The following LYPD5 variants were observed in gnomAD, a reference collection of about 807,000 sequenced individuals.
LYPD5 encodes the protein LY6/PLAUR domain containing 5, also known as ly6/PLAUR domain-containing protein 5.
Under a neutral mutation model 19.1 loss-of-function variants are expected in LYPD5, and 21 were observed. The observed-to-expected ratio is 1.10, with a 90% confidence interval of 0.78 to 1.58. LYPD5 has a LOEUF of 1.58. Among genes scored for constraint, LYPD5 ranks in the 40% most tolerant of loss-of-function variants. The pLI is 0.00. For missense variants in LYPD5, 287 were observed against 329.8 expected (o/e 0.87, Z 1.00); for synonymous variants, 128 against 142.7 (o/e 0.90, Z 0.74).
In LYPD5 at chr19:43,798,591, C is replaced by A. The variant is rs142112091; in HGVS notation, c.381G>T (p.Pro127=). 1.9e-6 allele frequency: 3 copies of A among 1,610,330 alleles called. No homozygotes were observed. The highest frequency in any genetic ancestry group is 2.5e-6 in the Non-Finnish European group (3 of 1,180,032). The change falls in exon 4 of 5, where the codon CCG becomes CCT. Residue 127 remains proline (P), a synonymous_variant. Transcript: ENST00000377950. The stretch of plus-strand genomic sequence containing the variant: ...AGCACTCGGCGCCGCTGAGCGTCGG[C>A]GGGTCGGGTGCTGGCAAGAGAGCGT... ...ALPNLSQAPD[P]PTLSGAECYA...
chr19:43,808,292 G>A (rs1568405699), intron 1 of LYPD5, among the ~76,000 whole-genome samples: 1 of 152,130 alleles, frequency 6.6e-6, no homozygotes, highest in African/African-American at 2.4e-5. Flanking sequence ...ATTTAGTAGA[G>A]ACGGGGTTTC....
At chr19:43,803,916 C>A (rs1194496099), upstream of LYPD5, among the ~76,000 whole-genome samples, 1 of 152,140 alleles carries the variant, frequency 6.6e-6, no homozygotes, top group Non-Finnish European at 1.5e-5. Context: ...CGGCTCACTG[C>A]AAGCTCCGCC....
At chr19:43,798,768 C>T in intron 3 of LYPD5, 44 bp downstream of exon 3, 2 of 1,578,780 alleles carry the variant, frequency 1.3e-6, no homozygotes, top group East Asian at 2.3e-5. Context: ...GCTGCCAGGC[C>T]TCTCATCGTC....
In LYPD5 at chr19:43,797,513, C is replaced by T; in HGVS notation, c.*78G>A. The stretch of plus-strand genomic sequence containing the variant: ...CAATTCTTACTTTAACATCATTTTC[C>T]AGTGAGCTATGTGATAGGGGCTGAA... On this transcript the variant is annotated 3_prime_UTR_variant, in exon 5 of 5. Coordinates refer to ENST00000377950, the MANE Select transcript of LYPD5 (RefSeq NM_001031749.3). 1 of 1,143,866 alleles carries T rather than the reference C, an allele frequency of 8.7e-7. No homozygotes were observed. Among genetic ancestry groups the T allele is most frequent in the Non-Finnish European group, 1.3e-6 (1 of 794,602 alleles). The allele number at this position is 1,143,866 out of a possible 1,614,324, so 70.9% of individuals were successfully genotyped here.
chr19:43,797,594 T>C lies in LYPD5; in HGVS notation c.753A>G (p.Ala251=), dbSNP rs371736272. ...LPVLLLVGLS[A] is the part of the protein sequence containing the mutation. The stretch of plus-strand genomic sequence containing the variant: ...CCCAGCATCCTGGAGGGGCGGTCTA[T>C]GCTGAGAGCCCCACCAGCAGGAGGA... The change falls in exon 5 of 5, where the codon GCA becomes GCG. Residue 251 remains alanine, a synonymous_variant. Transcript: ENST00000377950. 31 of 1,600,086 alleles carry C rather than the reference T, an allele frequency of 1.9e-5. No homozygotes were observed. Among genetic ancestry groups the C allele is most frequent in the Admixed American group, 5.1e-5 (3 of 59,326 alleles).
At chr19:43,804,118 G>A (rs961485108), upstream of LYPD5, among the ~76,000 whole-genome samples, 9 of 152,190 alleles carry the variant, frequency 5.9e-5, no homozygotes, top group Non-Finnish European at 2.9e-5. Flanking sequence ...GATTACAGAC[G>A]TGAGCCACTG....
In LYPD5 at chr19:43,797,446, G is replaced by A. The variant is rs570125960; in HGVS notation, c.*145C>T. ...CCAGTACTGTTGGCCAGGTTGTGGG[G>A]CACAAGGGCGGGAGAGATGGAAGGC... On this transcript the variant is annotated 3_prime_UTR_variant, in exon 5 of 5. Coordinates refer to ENST00000377950, the MANE Select transcript of LYPD5 (RefSeq NM_001031749.3). The A allele has an allele frequency of 4.0e-4, 288 of 715,596 alleles. 1 individual carries two copies. The East Asian group carries it at 6.8e-3, about 17-fold the overall frequency. The allele number at this position is 715,596 out of a possible 1,614,324, so 44.3% of individuals were successfully genotyped here.
intron 1 of LYPD5, among the ~76,000 whole-genome samples, chr19:43,816,028 C>T (rs1378611751): frequency 6.8e-6 from 1 of 146,698 alleles, no homozygotes; most frequent in Admixed American, 6.8e-5. Flanking sequence ...GCCACCACGC[C>T]CCACTCTATC....
At chr19:43,802,845 C>A (rs1314929785), upstream of LYPD5, among the ~76,000 whole-genome samples, 1 of 152,180 alleles carries the variant, frequency 6.6e-6, no homozygotes, top group Admixed American at 6.5e-5. Context: ...CTCATCCACA[C>A]ACCCTCAGCC....
chr19:43,810,582 T>C (rs939028325), intron 1 of LYPD5, among the ~76,000 whole-genome samples: 4 of 99,962 alleles, frequency 4.0e-5, no homozygotes, highest in Non-Finnish European at 7.7e-5. Flanking sequence ...TCCCCTCCCT[T>C]CCCCTCCTCT....
At chr19:43,816,924 T>C (rs1377320407) in intron 1 of LYPD5, among the ~76,000 whole-genome samples, 1 of 152,226 alleles carries the variant, frequency 6.6e-6, no homozygotes. Context: ...GTAAGATGTC[T>C]CTTTGTTCTC....
intron 1 of LYPD5, 90 bp downstream of exon 1, chr19:43,802,227 A>C: frequency 1.8e-6 from 2 of 1,141,328 alleles, no homozygotes; most frequent in Non-Finnish European, 1.2e-6. Context: ...CCTCAGACCC[A>C]GGAGTCCAGG....
In LYPD5 at chr19:43,798,864, G is replaced by A. The variant is rs767738867; in HGVS notation, c.318C>T (p.Asp106=). Residue 106 remains aspartate (D), a synonymous_variant, in exon 3 of 5, where the codon GAC becomes GAT. Coordinates refer to ENST00000377950, the MANE Select transcript of LYPD5 (RefSeq NM_001031749.3). ...GAGTCATGAGGTGGGCGTTGCATTT[G>A]TCAGTTGTGCAGCCGCGCACCACCG... is the stretch of plus-strand genomic sequence containing the variant. ...DYSVVRGCTT[D]KCNAHLMTHD... is the part of the protein sequence containing the mutation. 1.7e-5 allele frequency: 27 copies of A among 1,610,356 alleles called. No homozygotes were observed. Among genetic ancestry groups the A allele is most frequent in the Non-Finnish European group, 2.3e-5 (27 of 1,178,500 alleles).
intron 1 of LYPD5, among the ~76,000 whole-genome samples, chr19:43,808,551 G>C (rs375225956): frequency 1.3e-5 from 2 of 152,152 alleles, no homozygotes; most frequent in East Asian, 1.9e-4. Flanking sequence ...TAAAGGGTTC[G>C]TTTATTCTCC....
intron 3 of LYPD5, 87 bp downstream of exon 3, chr19:43,798,725 C>T: frequency 1.3e-6 from 2 of 1,567,424 alleles, no homozygotes; most frequent in Non-Finnish European, 1.7e-6. Context: ...GCGCCAAGAG[C>T]AGGCGCCCAG....
At chr19:43,814,400 G>GA (rs1357933401) in intron 1 of LYPD5, among the ~76,000 whole-genome samples, 3 of 152,140 alleles carry the variant, frequency 2.0e-5, no homozygotes, top group African/African-American at 7.2e-5. Context: ...AGGCTGAAAT[G>GA]AAAAAATCAC....
At chr19:43,798,736 C>A (rs1056653024) in intron 3 of LYPD5, 76 bp downstream of exon 3, 3 of 1,566,072 alleles carry the variant, frequency 1.9e-6, no homozygotes, top group East Asian at 2.3e-5. Flanking sequence ...AGGCGCCCAG[C>A]GGAGGCCACG....
chr19:43,797,438 G>A lies in LYPD5; in HGVS notation c.*153C>T, dbSNP rs1375261147. The A allele has an allele frequency of 1.5e-6, 1 of 688,900 alleles. No individual in the cohort carries two copies. The highest frequency in any genetic ancestry group is 1.8e-5 in the African/African-American group (1 of 56,140). The allele number at this position is 688,900 out of a possible 1,614,324, so 42.7% of individuals were successfully genotyped here. On this transcript the variant is annotated 3_prime_UTR_variant, in exon 5 of 5. Coordinates refer to ENST00000377950, the MANE Select transcript of LYPD5 (RefSeq NM_001031749.3). ...AGTTTCTTCCAGTACTGTTGGCCAG[G>A]TTGTGGGGCACAAGGGCGGGAGAGA...
At chr19:43,799,901 A>C (rs1970200700) in intron 1 of LYPD5, 67 bp from the exon 2 acceptor site, 7 of 1,517,976 alleles carry the variant, frequency 4.6e-6, no homozygotes, top group Non-Finnish European at 6.2e-6. Flanking sequence ...TCAGAGCTCC[A>C]CCCAGCAAAT....
Sources: allele counts gnomAD v4.1 joint callset (sites outside exome capture counted in the v4.1 genomes callset), GRCh38; gene constraint gnomAD v4.1.1; transcripts MANE v1.5; gene names NCBI Gene and HGNC (gene_info 2026-07-23, HGNC 2026-07-21).